Variants in CSPP1 observed in about 807,000 individuals in gnomAD.
CSPP1 encodes the protein centrosome and spindle pole associated protein 1, also known as centrosome and spindle pole-associated protein 1.
In CSPP1, 126 loss-of-function variants were observed where a neutral mutation model predicts 164.4. The ratio of observed to expected loss-of-function variants is 0.77; its 90% CI spans 0.66 to 0.89. The LOEUF (loss-of-function observed/expected upper bound fraction) is 0.89. CSPP1 is among the 40% of genes least tolerant of loss of function. CSPP1 has a pLI of 0.00. For synonymous variants in CSPP1, 472 were observed against 476.7 expected (o/e 0.99, Z 0.13); for missense variants, 1,395 against 1,449.8 (o/e 0.96, Z 0.61).
intron 11 of CSPP1, 71 bp downstream of exon 11, chr8:67,113,933 G>T (rs757998718): frequency 2.3e-6 from 2 of 868,118 alleles, no homozygotes; most frequent in East Asian, 5.1e-5. Context: ...GGCAGGTGGG[G>T]ATAGAGAATA....
chr8:67,077,472 A>G (rs1183875313), intron 3 of CSPP1, among the ~76,000 whole-genome samples: 1 of 151,996 alleles, frequency 6.6e-6, no homozygotes, highest in Admixed American at 6.6e-5. Flanking sequence ...AGTAGCTGGG[A>G]TTACAGGCGC....
chr8:67,159,920 C>CT (rs1361111659), intron 21 of CSPP1, among the ~76,000 whole-genome samples: 1 of 51,274 alleles, frequency 2.0e-5, no homozygotes, highest in Non-Finnish European at 3.7e-5. Flanking sequence ...TTCTTTCTTT[C>CT]TTTCCTTTCC....
At position 67,095,368 on chromosome 8, in the gene CSPP1, G is replaced by A; in HGVS notation, c.559G>A (p.Glu187Lys). Residue 187 changes from glutamate to lysine, a missense_variant, in exon 7 of 31, where the codon GAA becomes AAA. Physicochemically the swap from Glu to Lys is moderately conservative, Grantham distance 56 (BLOSUM62 1). Coordinates refer to ENST00000678616, the MANE Select transcript of CSPP1 (RefSeq NM_001382391.1). ...DLTSQIQTSC[E>K]NSEGPRKDVL... ...AACTTCACAAATACAGACATCTTGT[G>A]AAAATTCAGAGGGTCCTAGAAAAGA... 5 of 1,607,800 alleles carry A rather than the reference G, an allele frequency of 3.1e-6. No homozygotes were observed. The highest frequency in any genetic ancestry group is 1.3e-5 in the African/African-American group (1 of 74,388).
chr8:67,098,552 CT>C (rs1243669203), intron 7 of CSPP1, among the ~76,000 whole-genome samples: 2 of 151,782 alleles, frequency 1.3e-5, no homozygotes, highest in African/African-American at 2.4e-5. Context: ...GTGGTTAACA[CT>C]GTAATTGATA....
intron 26 of CSPP1, 123 bp downstream of exon 26, chr8:67,175,559 A>T (rs1165564662): frequency 8.5e-6 from 10 of 1,175,732 alleles, no homozygotes; most frequent in Non-Finnish European, 1.2e-5. Context: ...CCATGCTCAC[A>T]GGGTCCGTTT....
chr8:67,071,373 T>TG (rs111436361), intron 1 of CSPP1, among the ~76,000 whole-genome samples: 5,221 of 150,422 alleles, frequency 0.035, 187 homozygotes, highest in African/African-American at 0.082. Flanking sequence ...TTATTCCCTC[T>TG]GTTTTTTTTT....
chr8:67,172,781 T>TA (rs1401602860), intron 25 of CSPP1: 1 of 432,032 alleles, frequency 2.3e-6, no homozygotes, highest in Non-Finnish European at 4.1e-6. Context: ...CATACAGTGT[T>TA]AAAGTCTGGA....
chr8:67,076,443 T>A, intron 2 of CSPP1, 39 bp from the exon 3 acceptor site: 1 of 1,235,426 alleles, frequency 8.1e-7, no homozygotes, highest in African/African-American at 1.5e-5. Flanking sequence ...CATGGTTTTT[T>A]TTTTCCTCTT....
At chr8:67,135,550 T>A (rs1183735073) in intron 16 of CSPP1, 1 of 152,268 alleles carries the variant, frequency 6.6e-6, no homozygotes, top group Non-Finnish European at 1.5e-5. Flanking sequence ...GCTTCCTCAC[T>A]TCTCTCAGCC....
At chr8:67,143,146 G>A (rs1216661860) in intron 17 of CSPP1, among the ~76,000 whole-genome samples, 2 of 151,474 alleles carry the variant, frequency 1.3e-5, no homozygotes, top group Non-Finnish European at 2.9e-5. Context: ...TTTAGTTCAT[G>A]TCTCTTTAGT....
intron 7 of CSPP1, among the ~76,000 whole-genome samples, chr8:67,101,626 C>T (rs1483007871): frequency 3.3e-5 from 5 of 152,130 alleles, no homozygotes; most frequent in Non-Finnish European, 7.4e-5. Flanking sequence ...GGAAGCCATT[C>T]ATGCGTTATG....
chr8:67,151,954 G>A (rs1278902318), intron 18 of CSPP1, among the ~76,000 whole-genome samples: 1 of 151,860 alleles, frequency 6.6e-6, no homozygotes, highest in African/African-American at 2.4e-5. Context: ...TGGGCGTGGT[G>A]GCATGTGCCT....
chr8:67,192,818 C>T lies in CSPP1; in HGVS notation c.3331-646C>T, dbSNP rs115759838. On this transcript the variant is annotated intron_variant, in intron 29 of 30. Coordinates refer to ENST00000678616, the MANE Select transcript of CSPP1 (RefSeq NM_001382391.1). ...CGTCCATAAACGTAAGGATTTATTT[C>T]TATATTCTTCTTAATCTTCCATTGA... Among the ~76,000 whole-genome samples, 407 of 152,278 alleles carry T rather than the reference C, an allele frequency of 2.7e-3. 2 individuals are homozygous for T. The highest frequency in any genetic ancestry group is 9.5e-3 in the African/African-American group (396 of 41,554).
chr8:67,179,771 C>G, intron 27 of CSPP1, 92 bp from the exon 28 acceptor site: 1 of 800,802 alleles, frequency 1.2e-6, no homozygotes, highest in South Asian at 1.5e-5. Context: ...TTAGGGAGAA[C>G]AGTGTGGAAA....
intron 4 of CSPP1, among the ~76,000 whole-genome samples, chr8:67,087,775 A>C (rs1810708405): frequency 6.6e-6 from 1 of 152,242 alleles, no homozygotes; most frequent in East Asian, 1.9e-4. Context: ...TGTTATATGT[A>C]ATAGTCAGTG....
chr8:67,082,637 C>T (rs1485909643), intron 3 of CSPP1, among the ~76,000 whole-genome samples: 1 of 152,002 alleles, frequency 6.6e-6, no homozygotes, highest in Non-Finnish European at 1.5e-5. Flanking sequence ...AGTAAATGTT[C>T]TATGGTAATT....
chr8:67,159,271 G>T, intron 21 of CSPP1, 134 bp downstream of exon 21: 1 of 818,864 alleles, frequency 1.2e-6, no homozygotes, highest in Non-Finnish European at 1.9e-6. Flanking sequence ...TGTTTAGTCT[G>T]GGCACAATGT....
chr8:67,125,676 T>TC (rs1387581239), intron 15 of CSPP1, among the ~76,000 whole-genome samples: 1 of 152,180 alleles, frequency 6.6e-6, no homozygotes, highest in African/African-American at 2.4e-5. Flanking sequence ...TGACCTGTCT[T>TC]CAAGTTCATT....
At chr8:67,138,349 A>G (rs751222534) in intron 17 of CSPP1, among the ~76,000 whole-genome samples, 5 of 152,212 alleles carry the variant, frequency 3.3e-5, no homozygotes, top group Non-Finnish European at 7.4e-5. Flanking sequence ...ACTTTAAGTC[A>G]TCTCTAGATT....
Sources: allele counts gnomAD v4.1 joint callset (sites outside exome capture counted in the v4.1 genomes callset), GRCh38; gene constraint gnomAD v4.1.1; transcripts MANE v1.5; gene names NCBI Gene and HGNC (gene_info 2026-07-23, HGNC 2026-07-21).